Variants in MAGI1 observed in about 807,000 individuals in gnomAD.
The protein encoded by MAGI1 is membrane associated guanylate kinase, WW and PDZ domain containing 1.
Under a neutral mutation model 139.9 loss-of-function variants are expected in MAGI1, and 58 were observed. The observed-to-expected ratio is 0.41, with a 90% CI of 0.34 to 0.52. MAGI1 has a LOEUF of 0.52. Ranked by LOEUF, MAGI1 falls within the 20% of genes least tolerant of loss-of-function variation. The probability of loss-of-function intolerance (pLI) is 0.12; values close to 1 mark genes in which losing one functional copy is unlikely to be tolerated. For synonymous variants in MAGI1, 812 were observed against 737.9 expected, an observed-to-expected ratio of 1.10 and a Z score of -1.63; for missense variants, 1,874 against 1,901.6, an observed-to-expected ratio of 0.99 and a Z score of 0.27.
chr3:65,907,140 T>A (rs1402007589), intron 1 of MAGI1, among the ~76,000 whole-genome samples: 3 of 152,150 alleles, frequency 2.0e-5, no homozygotes, highest in Admixed American at 6.6e-5. Flanking sequence ...TGAATTCTAC[T>A]CTACTGCCTA....
chr3:65,559,493 A>C (rs2080238170), intron 2 of MAGI1, among the ~76,000 whole-genome samples: 1 of 152,206 alleles, frequency 6.6e-6, no homozygotes, highest in Non-Finnish European at 1.5e-5. Context: ...AAATTTTTTA[A>C]TTTAATTCTA....
At chr3:65,785,594 C>T (rs1032164401) in intron 1 of MAGI1, among the ~76,000 whole-genome samples, 4 of 152,146 alleles carry the variant, frequency 2.6e-5, no homozygotes, top group African/African-American at 9.7e-5. Context: ...TAAATCATCA[C>T]AGGAAATGAA....
chr3:65,501,723 G>A (rs554680811), intron 2 of MAGI1, among the ~76,000 whole-genome samples: 17 of 152,088 alleles, frequency 1.1e-4, no homozygotes, highest in Non-Finnish European at 2.1e-4. Flanking sequence ...CCAGAGAAAT[G>A]AAAACATATT....
At chr3:65,457,558 C>T (rs987655582) in intron 5 of MAGI1, among the ~76,000 whole-genome samples, 19 of 151,994 alleles carry the variant, frequency 1.3e-4, no homozygotes, top group South Asian at 2.1e-4. Flanking sequence ...TAGATTGACA[C>T]CTGTATTATT....
intron 1 of MAGI1, among the ~76,000 whole-genome samples, chr3:65,842,717 T>C (rs541727759): frequency 3.3e-5 from 5 of 152,304 alleles, no homozygotes; most frequent in African/African-American, 1.2e-4. Context: ...ATTTGGACCA[T>C]AGTAAAATGC....
intron 1 of MAGI1, among the ~76,000 whole-genome samples, chr3:65,747,128 G>A (rs140242523): frequency 1.2e-4 from 18 of 152,306 alleles, no homozygotes; most frequent in African/African-American, 3.1e-4. Flanking sequence ...AAGTAAGACC[G>A]TGTCTCAGTC....
At chr3:65,745,708 G>A (rs1273610838) in intron 1 of MAGI1, among the ~76,000 whole-genome samples, 8 of 152,100 alleles carry the variant, frequency 5.3e-5, no homozygotes, top group East Asian at 1.9e-4. Context: ...AGGTGCCTAC[G>A]GCAAGTGGAT....
rs9844406 is a variant in MAGI1 at position 65,872,344 on chromosome 3, T to G, written c.313+165652A>C. ...ATTAAAAATTTATGTACCCAACTAATAATTATTTTGTCTCCAACTCTTCCT... is the reference window on the plus strand; with the variant it reads ...ATTAAAAATTTATGTACCCAACTAAGAATTATTTTGTCTCCAACTCTTCCT... On this transcript the variant is annotated intron_variant, in intron 1 of 22. Transcript: ENST00000402939. Among the ~76,000 whole-genome samples, 771 of 152,308 alleles carry G rather than the reference T, an allele frequency of 5.1e-3. 7 individuals carry two copies. Among genetic ancestry groups the G allele is most frequent in the African/African-American group, 0.017 (701 of 41,560 alleles).
chr3:66,016,459 A>T (rs1197721535), intron 1 of MAGI1, among the ~76,000 whole-genome samples: 1 of 152,192 alleles, frequency 6.6e-6, no homozygotes, highest in East Asian at 1.9e-4. Flanking sequence ...CGACTGGGTC[A>T]AAGCTGATGG....
intron 1 of MAGI1, among the ~76,000 whole-genome samples, chr3:65,898,790 T>C (rs1035974497): frequency 2.0e-5 from 3 of 152,204 alleles, no homozygotes; most frequent in African/African-American, 7.2e-5. Context: ...TTTGAGAAGA[T>C]GGATATGCTA....
At chr3:65,617,174 C>A (rs192467284) in intron 2 of MAGI1, among the ~76,000 whole-genome samples, 48 of 152,316 alleles carry the variant, frequency 3.2e-4, no homozygotes, top group African/African-American at 7.9e-4. Flanking sequence ...ACCTCTTAGA[C>A]TGGTTACAAT....
At chr3:65,810,013 C>A (rs1378391345) in intron 1 of MAGI1, among the ~76,000 whole-genome samples, 1 of 152,104 alleles carries the variant, frequency 6.6e-6, no homozygotes, top group Admixed American at 6.6e-5. Flanking sequence ...CACACACACA[C>A]AGACACACAC....
intron 5 of MAGI1, among the ~76,000 whole-genome samples, chr3:65,464,820 G>C (rs1371585034): frequency 7.0e-6 from 1 of 143,426 alleles, no homozygotes; most frequent in Non-Finnish European, 1.5e-5. Flanking sequence ...TTTTCTTTTT[G>C]TTCTGTTTTT....
intron 1 of MAGI1, among the ~76,000 whole-genome samples, chr3:65,714,158 C>T (rs532406778): frequency 6.6e-6 from 1 of 152,258 alleles, no homozygotes; most frequent in African/African-American, 2.4e-5. Context: ...TGCTTGCATA[C>T]ACAGACGTTC....
intron 1 of MAGI1, among the ~76,000 whole-genome samples, chr3:65,959,159 CTTTG>C (rs530710308): frequency 7.4e-4 from 112 of 152,300 alleles, no homozygotes; most frequent in Middle Eastern, 3.4e-3. Context: ...TCTGAACTAG[CTTTG>C]TTTGACAGCC....
chr3:65,549,052 A>C (rs2079672004), intron 2 of MAGI1, among the ~76,000 whole-genome samples: 1 of 151,862 alleles, frequency 6.6e-6, no homozygotes, highest in South Asian at 2.1e-4. Context: ...GTCTCCTTGC[A>C]CCTGCCCTGG....
intron 1 of MAGI1, among the ~76,000 whole-genome samples, chr3:65,965,702 G>A (rs868829384): frequency 3.2e-4 from 48 of 151,696 alleles, no homozygotes; most frequent in African/African-American, 9.9e-4. Flanking sequence ...TTTTTGAGAC[G>A]GAGTCTTACT....
intron 1 of MAGI1, among the ~76,000 whole-genome samples, chr3:65,921,828 C>T (rs2108740064): frequency 6.6e-6 from 1 of 151,762 alleles, no homozygotes; most frequent in Non-Finnish European, 1.5e-5. Flanking sequence ...TTAGCCTGAG[C>T]CCAGGAGGTT....
At chr3:65,858,079 A>G (rs140888663) in intron 1 of MAGI1, among the ~76,000 whole-genome samples, 338 of 151,912 alleles carry the variant, frequency 2.2e-3, no homozygotes, top group African/African-American at 8.0e-3. Flanking sequence ...ACTGCACTCC[A>G]GCCTGGGTGA....
Sources: gnomAD v4.1 joint callset for allele counts (sites outside exome capture counted in the v4.1 genomes callset) on GRCh38, gnomAD v4.1.1 for gene constraint, MANE v1.5 for transcripts, NCBI Gene and HGNC (gene_info 2026-07-23, HGNC 2026-07-21) for gene names.